The following SIPA1L2 variants were observed in gnomAD, a reference collection of about 807,000 sequenced individuals.
SIPA1L2 encodes signal induced proliferation associated 1 like 2.
Under a neutral mutation model 163.9 loss-of-function variants are expected in SIPA1L2, and 56 were observed. That is an observed-to-expected ratio of 0.34 (90% CI 0.28 to 0.43). SIPA1L2 has a LOEUF of 0.43. Ranked by LOEUF, SIPA1L2 falls within the 20% of genes least tolerant of loss-of-function variation. SIPA1L2 has a pLI of 1.00. For missense variants in SIPA1L2, 1,974 were observed against 2,193.5 expected (o/e 0.90, Z 2.00); for synonymous variants, 877 against 865.7 (o/e 1.01, Z -0.23).
intron 1 of SIPA1L2, among the ~76,000 whole-genome samples, chr1:232,586,116 G>A (rs1457696271): frequency 6.6e-6 from 1 of 152,140 alleles, no homozygotes; most frequent in Non-Finnish European, 1.5e-5. Context: ...ACAAGACTCG[G>A]TTTCTCCTTG....
At chr1:232,527,376 T>A (rs1667758009) in intron 2 of SIPA1L2, among the ~76,000 whole-genome samples, 1 of 152,198 alleles carries the variant, frequency 6.6e-6, no homozygotes, top group African/African-American at 2.4e-5. Flanking sequence ...CAAGAAATGT[T>A]TTCCCATAAT....
intron 6 of SIPA1L2, among the ~76,000 whole-genome samples, chr1:232,482,940 T>C (rs1255015871): frequency 6.6e-6 from 1 of 152,224 alleles, no homozygotes; most frequent in African/African-American, 2.4e-5. Flanking sequence ...TGTTCATCTC[T>C]TTTCGTTCAA....
chr1:232,483,400 C>G (rs545579304), intron 6 of SIPA1L2, among the ~76,000 whole-genome samples: 5 of 152,208 alleles, frequency 3.3e-5, no homozygotes, highest in African/African-American at 1.2e-4. Context: ...AGCCCAATAA[C>G]ACAGCATGAA....
chr1:232,455,916 C>T (rs572070137), intron 10 of SIPA1L2, among the ~76,000 whole-genome samples: 3 of 151,740 alleles, frequency 2.0e-5, no homozygotes, highest in Non-Finnish European at 4.4e-5. Context: ...CACATGGACA[C>T]GAAGAAAGGA....
rs184322711 is a variant in SIPA1L2 at position 232,447,465 on chromosome 1, T to G, written c.3096-1679A>C. Among the ~76,000 whole-genome samples the G allele has an allele frequency of 1.6e-4, 25 of 152,326 alleles. 1 individual carries two copies. In the East Asian group the frequency reaches 3.9e-3, roughly 23 times the overall value. ...AAGATTTGCTGACTGTGCTGCACAGTGCAAAGGATGGCAAGCCATGGTACA... is the reference window on the plus strand; with the variant it reads ...AAGATTTGCTGACTGTGCTGCACAGGGCAAAGGATGGCAAGCCATGGTACA... On this transcript the variant is annotated intron_variant, in intron 10 of 22. Transcript: ENST00000674635.
rs766025957 is a variant in SIPA1L2 at position 232,514,557 on chromosome 1, T to C, written c.783A>G (p.Leu261=). ...SRGEFVRISG[L]DYVDSALLMG... Reference sequence around the variant, plus strand: ...TCAGGAGGGCACTGTCCACATAATCTAATCCTGAGATGCGGACAAATTCTC... The same window carrying C: ...TCAGGAGGGCACTGTCCACATAATCCAATCCTGAGATGCGGACAAATTCTC... The change falls in exon 3 of 23, where the codon TTA becomes TTG. Residue 261 remains leucine (L), a synonymous_variant. Transcript: ENST00000674635. 11 of 1,614,066 alleles carry C rather than the reference T, an allele frequency of 6.8e-6. No individual in the cohort carries two copies. The highest frequency in any genetic ancestry group is 9.3e-6 in the Non-Finnish European group (11 of 1,180,032).
chr1:232,608,047 CAAAAAAAAAA>C (rs56208215), intron 1 of SIPA1L2, among the ~76,000 whole-genome samples: 1 of 67,496 alleles, frequency 1.5e-5, no homozygotes, highest in African/African-American at 6.8e-5. Flanking sequence ...AACTCCATCT[CAAAAAAAAAA>C]AAAAAAAAAA....
At chr1:232,423,528 G>A (rs1319542098) in intron 18 of SIPA1L2, among the ~76,000 whole-genome samples, 5 of 152,136 alleles carry the variant, frequency 3.3e-5, no homozygotes, top group African/African-American at 1.2e-4. Flanking sequence ...AACTTTTTCC[G>A]AGTAGTTTCT....
intron 1 of SIPA1L2, among the ~76,000 whole-genome samples, chr1:232,627,446 G>A (rs1165143268): frequency 1.3e-5 from 2 of 151,872 alleles, no homozygotes; most frequent in Non-Finnish European, 2.9e-5. Flanking sequence ...CAGGTAAAAA[G>A]ATCCCCAAGG....
intron 3 of SIPA1L2, among the ~76,000 whole-genome samples, chr1:232,498,685 T>C (rs1329804424): frequency 6.6e-6 from 1 of 152,224 alleles, no homozygotes; most frequent in Non-Finnish European, 1.5e-5. Flanking sequence ...TAGCATCTTG[T>C]TTCAGTGGTC....
At chr1:232,621,267 G>A (rs1189690582) in intron 1 of SIPA1L2, among the ~76,000 whole-genome samples, 3 of 152,148 alleles carry the variant, frequency 2.0e-5, no homozygotes, top group African/African-American at 4.8e-5. Context: ...AGAACAATGA[G>A]CTCATTAGCC....
intron 1 of SIPA1L2, among the ~76,000 whole-genome samples, chr1:232,616,190 A>C (rs1351736031): frequency 6.6e-6 from 1 of 152,204 alleles, no homozygotes; most frequent in East Asian, 1.9e-4. Context: ...TCAAGATCAC[A>C]AGGACTTTTA....
At chr1:232,561,732 T>G (rs1172085450) in intron 2 of SIPA1L2, among the ~76,000 whole-genome samples, 1 of 152,202 alleles carries the variant, frequency 6.6e-6, no homozygotes, top group Non-Finnish European at 1.5e-5. Flanking sequence ...AAGTTACTTA[T>G]CATTGCCAGG....
Position 232,515,210 on chromosome 1 carries a change from T to C in SIPA1L2, c.130A>G (p.Asn44Asp). 1 of 1,614,206 alleles carries C rather than the reference T, an allele frequency of 6.2e-7. No homozygotes were observed. The highest frequency in any genetic ancestry group is 1.1e-5 in the South Asian group (1 of 91,084). The change falls in exon 3 of 23, where the codon AAC becomes GAC. Residue 44 changes from asparagine to aspartate, a missense_variant. By Grantham distance (23) the Asn-to-Asp change is conservative. Transcript: ENST00000674635. ...FARKFKAINGNMGPTTSLNAS... is the reference protein window; with the variant it reads ...FARKFKAINGDMGPTTSLNAS... ...TTTAAAGAAGTAGTGGGTCCCATGT[T>C]GCCATTAATGGCTTTAAATTTCCGA...
intron 2 of SIPA1L2, among the ~76,000 whole-genome samples, chr1:232,548,783 G>A (rs1658203785): frequency 6.6e-6 from 1 of 152,146 alleles, no homozygotes; most frequent in African/African-American, 2.4e-5. Flanking sequence ...GTGAGGACAG[G>A]ACAGAACACA....
At chr1:232,525,876 C>T (rs777190242) in intron 2 of SIPA1L2, among the ~76,000 whole-genome samples, 30 of 152,278 alleles carry the variant, frequency 2.0e-4, no homozygotes, top group Middle Eastern at 3.4e-3. Context: ...AGCAAGCAGA[C>T]GCCTGGATAG....
At chr1:232,487,946 A>ACACACACACACC (rs1170151626) in intron 5 of SIPA1L2, among the ~76,000 whole-genome samples, 5 of 151,724 alleles carry the variant, frequency 3.3e-5, no homozygotes, top group African/African-American at 1.2e-4. Flanking sequence ...ACACACACAC[A>ACACACACACACC]CACACACACG....
At chr1:232,440,145 A>G (rs1662804663) in intron 14 of SIPA1L2, among the ~76,000 whole-genome samples, 1 of 152,232 alleles carries the variant, frequency 6.6e-6, no homozygotes, top group Admixed American at 6.5e-5. Context: ...AATAGGTCTG[A>G]AAAAGAGTCA....
At chr1:232,436,230 C>T (rs893281680) in intron 15 of SIPA1L2, among the ~76,000 whole-genome samples, 16 of 152,288 alleles carry the variant, frequency 1.1e-4, no homozygotes, top group South Asian at 4.1e-4. Flanking sequence ...TGCACAGAAG[C>T]GTACTAAGTG....
Sources: gnomAD v4.1 joint callset for allele counts (sites outside exome capture counted in the v4.1 genomes callset) on GRCh38, gnomAD v4.1.1 for gene constraint, MANE v1.5 for transcripts, NCBI Gene and HGNC (gene_info 2026-07-23, HGNC 2026-07-21) for gene names.